PHLDB2: variants seen among roughly 807,000 people sequenced by gnomAD.
PHLDB2 encodes pleckstrin homology like domain family B member 2, also known as pleckstrin homology-like domain family B member 2.
In PHLDB2, 71 loss-of-function variants were observed where a neutral mutation model predicts 123.6. That is an observed-to-expected ratio of 0.57 (90% confidence interval 0.47 to 0.70). The LOEUF (loss-of-function observed/expected upper bound fraction) is 0.70, where lower values mean the gene tolerates loss of function less well. PHLDB2 is among the 30% of genes least tolerant of loss of function. The pLI is 0.00. For synonymous variants in PHLDB2, 547 were observed against 541.6 expected (o/e 1.01, Z -0.14); for missense variants, 1,446 against 1,519.5 (o/e 0.95, Z 0.80).
At chr3:111,778,817 A>G (rs1279022035) in intron 1 of PHLDB2, among the ~76,000 whole-genome samples, 1 of 152,080 alleles carries the variant, frequency 6.6e-6, no homozygotes, top group African/African-American at 2.4e-5. Flanking sequence ...TTGTGTGGAT[A>G]TACATCAACA....
intron 1 of PHLDB2, among the ~76,000 whole-genome samples, chr3:111,744,768 A>T (rs1035141935): frequency 1.3e-5 from 2 of 152,208 alleles, no homozygotes; most frequent in African/African-American, 4.8e-5. Context: ...ATCTTAAAGA[A>T]ACGAGGATAA....
intron 1 of PHLDB2, among the ~76,000 whole-genome samples, chr3:111,793,499 C>A (rs184777387): frequency 6.6e-6 from 1 of 152,158 alleles, no homozygotes; most frequent in Admixed American, 6.5e-5. Context: ...ACTTGGTGCT[C>A]TACCCCACTG....
At chr3:111,921,893 C>T (rs1232776864) in intron 5 of PHLDB2, among the ~76,000 whole-genome samples, 1 of 152,170 alleles carries the variant, frequency 6.6e-6, no homozygotes, top group African/African-American at 2.4e-5. Context: ...TGAGCCGCCG[C>T]GCCCGGCCCA....
intron 2 of PHLDB2, among the ~76,000 whole-genome samples, chr3:111,853,493 G>A (rs947368475): frequency 2.0e-5 from 3 of 152,156 alleles, no homozygotes; most frequent in Admixed American, 6.5e-5. Context: ...AAAGGCAAAC[G>A]TGGTTGGAAA....
At chr3:111,962,854 G>A (rs1161676329) in intron 13 of PHLDB2, among the ~76,000 whole-genome samples, 1 of 151,308 alleles carries the variant, frequency 6.6e-6, no homozygotes, top group East Asian at 1.9e-4. Flanking sequence ...CCTTAAACCC[G>A]GGAGGCGGAG....
intron 1 of PHLDB2, among the ~76,000 whole-genome samples, chr3:111,793,062 G>C (rs1282288727): frequency 2.0e-5 from 3 of 152,142 alleles, no homozygotes; most frequent in African/African-American, 7.2e-5. Context: ...CAAAGCCCAA[G>C]GGCTCTACAG....
chr3:111,948,822 T>G, intron 9 of PHLDB2, 110 bp from the exon 10 acceptor site: 1 of 939,492 alleles, frequency 1.1e-6, no homozygotes, highest in Middle Eastern at 2.2e-4. Context: ...ATACCACAGA[T>G]ATCTGGCTGT....
chr3:111,738,435 C>A (rs112707934), intron 1 of PHLDB2, among the ~76,000 whole-genome samples: 11 of 152,108 alleles, frequency 7.2e-5, no homozygotes, highest in African/African-American at 2.7e-4. Context: ...TTTGGATAAC[C>A]ACAAACATTT....
intron 1 of PHLDB2, among the ~76,000 whole-genome samples, chr3:111,735,680 C>G (rs1424017454): frequency 6.6e-6 from 1 of 152,166 alleles, no homozygotes; most frequent in Non-Finnish European, 1.5e-5. Context: ...TTTCATTAAC[C>G]AAAACGCTAG....
At chr3:111,750,977 C>A in intron 1 of PHLDB2, among the ~76,000 whole-genome samples, 1 of 150,238 alleles carries the variant, frequency 6.7e-6, no homozygotes, top group African/African-American at 2.4e-5. Context: ...TTCGCCAGTT[C>A]TTTTCTCTGC....
At chr3:111,877,125 G>T (rs1289963535) in intron 1 of PHLDB2, among the ~76,000 whole-genome samples, 2 of 152,206 alleles carry the variant, frequency 1.3e-5, no homozygotes, top group African/African-American at 2.4e-5. Context: ...TCTAGTTCTA[G>T]ATCCCTGAGG....
chr3:111,941,951 A>T (rs537147577), intron 8 of PHLDB2, among the ~76,000 whole-genome samples: 1 of 152,252 alleles, frequency 6.6e-6, no homozygotes, highest in Admixed American at 6.5e-5. Context: ...TCCCACCTCG[A>T]AGTCTCTGAA....
chr3:111,918,130 A>C (rs1264996983), intron 3 of PHLDB2, among the ~76,000 whole-genome samples: 1 of 152,230 alleles, frequency 6.6e-6, no homozygotes, highest in Non-Finnish European at 1.5e-5. Flanking sequence ...AAATTCTAGA[A>C]AGAAGAAGCT....
chr3:111,847,638 G>A (rs574434958), intron 2 of PHLDB2, among the ~76,000 whole-genome samples: 6 of 149,774 alleles, frequency 4.0e-5, no homozygotes, highest in Admixed American at 2.0e-4. Flanking sequence ...GTGGATCTTA[G>A]CTTTTTCTTT....
intron 1 of PHLDB2, among the ~76,000 whole-genome samples, chr3:111,750,106 C>G (rs1298840459): frequency 6.6e-6 from 1 of 152,222 alleles, no homozygotes; most frequent in Non-Finnish European, 1.5e-5. Flanking sequence ...GAGTACCCAA[C>G]AGCTGCACCA....
chr3:111,920,247 G>T (rs1210259169), intron 4 of PHLDB2, 35 bp from the exon 5 acceptor site: 1 of 1,600,256 alleles, frequency 6.2e-7, no homozygotes, highest in African/African-American at 1.3e-5. Context: ...ATCCCCAAAG[G>T]TGAAACACTT....
chr3:111,918,009 T>A (rs1044408642), intron 3 of PHLDB2, among the ~76,000 whole-genome samples: 1 of 152,158 alleles, frequency 6.6e-6, no homozygotes, highest in African/African-American at 2.4e-5. Flanking sequence ...TCCAAAAAAA[T>A]TACTTCTTTT....
intron 1 of PHLDB2, among the ~76,000 whole-genome samples, chr3:111,737,459 C>A (rs1173572014): frequency 6.6e-6 from 1 of 152,098 alleles, no homozygotes; most frequent in Non-Finnish European, 1.5e-5. Context: ...CCTGACCCAC[C>A]CAAAACTTGT....
At chr3:111,858,226 T>G (rs2064608717), upstream of PHLDB2, among the ~76,000 whole-genome samples, 1 of 152,110 alleles carries the variant, frequency 6.6e-6, no homozygotes, top group Non-Finnish European at 1.5e-5. Flanking sequence ...ACACTGCATG[T>G]TCTCATCATA....
Sources: gnomAD v4.1 joint callset for allele counts (sites outside exome capture counted in the v4.1 genomes callset) on GRCh38, gnomAD v4.1.1 for gene constraint, MANE v1.5 for transcripts, NCBI Gene and HGNC (gene_info 2026-07-23, HGNC 2026-07-21) for gene names.